The following CDKAL1 variants were observed in gnomAD, a reference collection of about 807,000 sequenced individuals.
The protein encoded by CDKAL1 is CDKAL1 threonylcarbamoyladenosine tRNA methylthiotransferase.
A neutral mutation model predicts 68.2 loss-of-function variants in CDKAL1; 32 were observed. The observed-to-expected ratio is 0.47, with a 90% CI of 0.35 to 0.63. The LOEUF (loss-of-function observed/expected upper bound fraction) is 0.63, where lower values mean the gene tolerates loss of function less well. Among genes scored for constraint, CDKAL1 ranks in the 30% least tolerant of loss-of-function variants. The probability of loss-of-function intolerance (pLI) is 0.00; values close to 1 mark genes in which losing one functional copy is unlikely to be tolerated. For synonymous variants in CDKAL1, 234 were observed against 244.3 expected, an observed-to-expected ratio of 0.96 and a Z score of 0.39; for missense variants, 606 against 696.7, an observed-to-expected ratio of 0.87 and a Z score of 1.47.
At position 20,613,040 on chromosome 6, in the gene CDKAL1, CACACAA is replaced by C. The variant is rs1468315785; in HGVS notation, c.287-36251_287-36246del. ...ACACACACACACACACACACACACA[CACACAA>C]AGGGTATGGATTTATAAGAATAAAT... On this transcript the variant is annotated intron_variant, in intron 4 of 15. Coordinates refer to ENST00000274695, the MANE Select transcript of CDKAL1 (RefSeq NM_017774.3). 1.4e-3 allele frequency among the ~76,000 whole-genome samples: 146 copies of C among 106,846 alleles called. 2 individuals carry two copies. The highest frequency in any genetic ancestry group is 4.1e-4 in the Non-Finnish European group (21 of 51,654). 70.1% of individuals were successfully genotyped at this position (106,846 alleles called of 152,430 possible). A position where few individuals can be genotyped will look rare whatever the true frequency, so the allele number is the denominator to read the frequency against.
Position 20,584,449 on chromosome 6 carries a change from T to TG in CDKAL1, c.286+35745dup, listed in dbSNP as rs142178806. ...TTAGACAGGAAGTGCTTTCTGTACA[T>TG]GCAGGCTGGAAATGCACACAACCCT... is the stretch of plus-strand genomic sequence containing the variant. On this transcript the variant is annotated intron_variant, in intron 4 of 15. Transcript: ENST00000274695. Among the ~76,000 whole-genome samples, 388 of 152,258 alleles carry TG rather than the reference T, an allele frequency of 2.5e-3. 2 individuals are homozygous for TG. The highest frequency in any genetic ancestry group is 4.2e-3 in the Non-Finnish European group (287 of 68,010).
chr6:21,195,478 T>A (rs1031350150), intron 13 of CDKAL1, among the ~76,000 whole-genome samples: 2 of 23,382 alleles, frequency 8.6e-5, no homozygotes, highest in Admixed American at 7.5e-4. Context: ...AGATGTTTTT[T>A]TTATTTATTT....
chr6:21,042,317 C>T (rs980540722), intron 11 of CDKAL1, among the ~76,000 whole-genome samples: 1 of 148,668 alleles, frequency 6.7e-6, no homozygotes, highest in Middle Eastern at 3.5e-3. Context: ...TCTCTACTAA[C>T]AAACACTGTT....
At chr6:20,736,789 C>T (rs963835106) in intron 5 of CDKAL1, among the ~76,000 whole-genome samples, 48 of 148,174 alleles carry the variant, frequency 3.2e-4, no homozygotes, top group African/African-American at 1.2e-3. Context: ...AAAAAAATTT[C>T]CTCCACATGC....
Position 20,810,667 on chromosome 6 carries a change from ATATAT to A in CDKAL1, c.638+29404_638+29408del, listed in dbSNP as rs760500630. Among the ~76,000 whole-genome samples, 9 of 101,040 alleles carry A rather than the reference ATATAT, an allele frequency of 8.9e-5. No homozygotes were observed. The South Asian group carries it at 1.6e-3, about 18-fold the overall frequency. 66.3% of individuals were successfully genotyped at this position (101,040 alleles called of 152,430 possible). ...GTGTGTGTGTGTGTGTGTGTGTGTA[ATATAT>A]TGCTAAAAAAAAAAAGTGTTTATTC... On this transcript the variant is annotated intron_variant, in intron 8 of 15. Coordinates refer to ENST00000274695, the MANE Select transcript of CDKAL1 (RefSeq NM_017774.3).
chr6:20,842,147 T>C (rs961046977), intron 8 of CDKAL1, among the ~76,000 whole-genome samples: 1 of 152,226 alleles, frequency 6.6e-6, no homozygotes, highest in African/African-American at 2.4e-5. Context: ...AAGCTTCTTA[T>C]GTTGAAATGA....
intron 11 of CDKAL1, among the ~76,000 whole-genome samples, chr6:21,028,889 A>G (rs768002381): frequency 8.5e-5 from 13 of 152,298 alleles, no homozygotes; most frequent in Non-Finnish European, 1.6e-4. Context: ...CCCTTCTCCA[A>G]GCAAACATCA....
chr6:20,747,490 A>G (rs1773712629), intron 6 of CDKAL1, among the ~76,000 whole-genome samples: 1 of 151,944 alleles, frequency 6.6e-6, no homozygotes, highest in Non-Finnish European at 1.5e-5. Context: ...CCTCGCTGAC[A>G]CTCGTTATTT....
chr6:21,029,541 G>T (rs557158873), intron 11 of CDKAL1, among the ~76,000 whole-genome samples: 1 of 152,248 alleles, frequency 6.6e-6, no homozygotes, highest in East Asian at 1.9e-4. Flanking sequence ...AGAGTGAATA[G>T]GCAACCTGCA....
chr6:20,739,659 A>T, intron 6 of CDKAL1, 44 bp downstream of exon 6: 1 of 1,072,578 alleles, frequency 9.3e-7, no homozygotes, highest in Non-Finnish European at 1.4e-6. Context: ...TTACATTGTT[A>T]ACACCTGTAA....
intron 8 of CDKAL1, among the ~76,000 whole-genome samples, chr6:20,828,180 G>T (rs1280423674): frequency 2.0e-5 from 3 of 151,972 alleles, no homozygotes; most frequent in African/African-American, 7.3e-5. Flanking sequence ...TCATTATAGG[G>T]ATAAAACAAA....
At chr6:20,923,986 TG>T (rs1763072429) in intron 9 of CDKAL1, among the ~76,000 whole-genome samples, 1 of 151,536 alleles carries the variant, frequency 6.6e-6, no homozygotes, top group Non-Finnish European at 1.5e-5. Flanking sequence ...CACTCCAGCC[TG>T]GGTGGCAGAG....
At chr6:21,011,693 T>A (rs1006487980) in intron 11 of CDKAL1, among the ~76,000 whole-genome samples, 4 of 152,160 alleles carry the variant, frequency 2.6e-5, no homozygotes, top group Non-Finnish European at 4.4e-5. Context: ...AACATAAATG[T>A]TTACTATAGG....
chr6:21,183,660 G>T (rs1208685148), intron 13 of CDKAL1, among the ~76,000 whole-genome samples: 1 of 152,138 alleles, frequency 6.6e-6, no homozygotes, highest in Non-Finnish European at 1.5e-5. Flanking sequence ...TGTGAAGTTG[G>T]AATTTAGTTA....
At chr6:21,131,196 G>T (rs1775302787) in intron 13 of CDKAL1, among the ~76,000 whole-genome samples, 1 of 152,144 alleles carries the variant, frequency 6.6e-6, no homozygotes. Flanking sequence ...TTTTCAAAAA[G>T]GCTGTGACTG....
intron 9 of CDKAL1, among the ~76,000 whole-genome samples, chr6:20,904,792 G>GA (rs59916669): frequency 1.4e-4 from 21 of 147,812 alleles, no homozygotes; most frequent in East Asian, 6.0e-4. Context: ...TCCATCTCAA[G>GA]AAAAAAAAAA....
At chr6:21,203,494 C>T (rs1778777140) in intron 15 of CDKAL1, among the ~76,000 whole-genome samples, 1 of 151,506 alleles carries the variant, frequency 6.6e-6, no homozygotes, top group African/African-American at 2.4e-5. Flanking sequence ...CTTCAGCTTC[C>T]CAAAGTGCTG....
chr6:21,114,254 A>G (rs1046390036), intron 13 of CDKAL1, among the ~76,000 whole-genome samples: 1 of 151,354 alleles, frequency 6.6e-6, no homozygotes, highest in African/African-American at 2.4e-5. Context: ...TCTCAAAAAA[A>G]AAAAAAAAAA....
At chr6:20,560,629 A>G (rs1214609589) in intron 4 of CDKAL1, among the ~76,000 whole-genome samples, 2 of 152,228 alleles carry the variant, frequency 1.3e-5, no homozygotes, top group Admixed American at 1.3e-4. Context: ...TTAACATATA[A>G]TATGGTTAAA....
Sources: allele counts gnomAD v4.1 joint callset (sites outside exome capture counted in the v4.1 genomes callset), GRCh38; gene constraint gnomAD v4.1.1; transcripts MANE v1.5; gene names NCBI Gene and HGNC (gene_info 2026-07-23, HGNC 2026-07-21).